The following SPAG17 variants were observed in gnomAD, a reference collection of about 807,000 sequenced individuals.
SPAG17 encodes the protein sperm associated antigen 17, also known as sperm-associated antigen 17.
SPAG17 carries 169 observed loss-of-function variants against 273.6 expected under a neutral mutation model. That is an observed-to-expected ratio of 0.62 (90% CI 0.55 to 0.70). The LOEUF (loss-of-function observed/expected upper bound fraction) is 0.70. Ranked by LOEUF, SPAG17 falls within the 30% of genes least tolerant of loss-of-function variation. The pLI is 0.00. For missense variants in SPAG17, 2,557 were observed against 2,627.8 expected (o/e 0.97, Z 0.59); for synonymous variants, 825 against 873.2 (o/e 0.94, Z 0.97).
At chr1:118,040,972 C>T (rs1649686192) in intron 21 of SPAG17, 131 bp from the exon 22 acceptor site, 1 of 673,398 alleles carries the variant, frequency 1.5e-6, no homozygotes, top group Non-Finnish European at 2.7e-6. Context: ...TTTGCAGACT[C>T]AGAGGCCAGT....
intron 13 of SPAG17, among the ~76,000 whole-genome samples, chr1:118,084,148 C>T (rs745995911): frequency 6.6e-5 from 10 of 151,964 alleles, no homozygotes; most frequent in Non-Finnish European, 1.5e-4. Context: ...AGTTCACCCC[C>T]TACTCAGGAA....
chr1:118,095,941 G>A (rs528687946), intron 7 of SPAG17, among the ~76,000 whole-genome samples: 1 of 152,240 alleles, frequency 6.6e-6, no homozygotes, highest in Admixed American at 6.5e-5. Flanking sequence ...GTGGGGAGGG[G>A]CAAGGACAAA....
intron 30 of SPAG17, among the ~76,000 whole-genome samples, chr1:118,010,395 C>T (rs1378054226): frequency 6.6e-6 from 1 of 151,906 alleles, no homozygotes; most frequent in Non-Finnish European, 1.5e-5. Context: ...GAATAGAGAG[C>T]CCAGAAATAA....
At chr1:118,113,015 T>C (rs1397320081) in intron 4 of SPAG17, among the ~76,000 whole-genome samples, 1 of 152,154 alleles carries the variant, frequency 6.6e-6, no homozygotes, top group Admixed American at 6.5e-5. Context: ...CCTAGCTATA[T>C]TACTTATTTT....
chr1:118,102,846 G>C (rs1656154684), intron 4 of SPAG17, among the ~76,000 whole-genome samples: 1 of 152,204 alleles, frequency 6.6e-6, no homozygotes, highest in East Asian at 1.9e-4. Flanking sequence ...AACGCAGAAG[G>C]GGAGAGGAGC....
intron 48 of SPAG17, chr1:117,962,564 T>A (rs1571066400): frequency 1.4e-5 from 2 of 147,424 alleles, no homozygotes; most frequent in Admixed American, 1.4e-4. Flanking sequence ...AAAAAAAGGC[T>A]CTTGAATGAT....
At chr1:117,973,268 C>T (rs1035838438) in intron 44 of SPAG17, among the ~76,000 whole-genome samples, 157 bp downstream of exon 44, 12 of 151,956 alleles carry the variant, frequency 7.9e-5, no homozygotes, top group Admixed American at 5.9e-4. Flanking sequence ...ATGGTAGATA[C>T]GGTCAATAGC....
intron 3 of SPAG17, among the ~76,000 whole-genome samples, chr1:118,132,713 T>C (rs1317269070): frequency 1.3e-5 from 2 of 151,838 alleles, no homozygotes; most frequent in Non-Finnish European, 1.5e-5. Context: ...CCTCTGGGCA[T>C]GCAGGCAGTG....
intron 15 of SPAG17, among the ~76,000 whole-genome samples, chr1:118,077,088 T>C (rs1471945065): frequency 6.6e-6 from 1 of 152,198 alleles, no homozygotes; most frequent in Non-Finnish European, 1.5e-5. Context: ...GGCTTTTATA[T>C]GTATTTGATG....
chr1:117,987,591 C>T (rs901449253), intron 40 of SPAG17, among the ~76,000 whole-genome samples: 5 of 152,180 alleles, frequency 3.3e-5, no homozygotes, highest in African/African-American at 1.2e-4. Context: ...TCACCTAAAG[C>T]ACATTGAGGG....
Position 117,963,881 on chromosome 1 carries a change from TCTTTTCC to T in SPAG17, c.6583_6589del (p.Gly2195LysfsTer86). ...AGAAGTTCTCTGGACCATTGGATTT[TCTTTTCC>T]CTGGGGAAAGTCTTTTGGTCGTTTA... On this transcript the variant is annotated frameshift_variant, in exon 48 of 49. Coordinates refer to ENST00000336338, the MANE Select transcript of SPAG17 (RefSeq NM_206996.4). LOFTEE classifies it high-confidence loss of function. 1 of 1,614,042 alleles carries T rather than the reference TCTTTTCC, an allele frequency of 6.2e-7. No homozygotes were observed. Among genetic ancestry groups the T allele is most frequent in the African/African-American group, 1.3e-5 (1 of 75,066 alleles).
intron 39 of SPAG17, 75 bp from the exon 40 acceptor site, chr1:117,987,956 C>T: frequency 1.3e-6 from 2 of 1,534,746 alleles, no homozygotes; most frequent in Non-Finnish European, 1.8e-6. Context: ...AAAACCCTCA[C>T]CACTATATGA....
intron 3 of SPAG17, among the ~76,000 whole-genome samples, chr1:118,125,376 G>A (rs1194889329): frequency 2.6e-5 from 4 of 151,992 alleles, no homozygotes. Flanking sequence ...ATTTCTTTGT[G>A]TTAGGAACAA....
chr1:117,970,269 T>G (rs958174747), intron 45 of SPAG17, among the ~76,000 whole-genome samples, 153 bp from the exon 46 acceptor site: 2 of 152,228 alleles, frequency 1.3e-5, no homozygotes, highest in Non-Finnish European at 2.9e-5. Context: ...AATATTCAAT[T>G]GGGAGAAGAA....
chr1:117,990,945 C>G, intron 37 of SPAG17, 39 bp from the exon 38 acceptor site: 2 of 1,174,276 alleles, frequency 1.7e-6, no homozygotes, highest in South Asian at 1.6e-5. Context: ...GATTATATTA[C>G]TTACAAGACT....
At chr1:118,155,248 GGAAAGTATTCATGTAAATGCAGA>G (rs1407064046) in intron 1 of SPAG17, among the ~76,000 whole-genome samples, 1 of 152,176 alleles carries the variant, frequency 6.6e-6, no homozygotes, top group Non-Finnish European at 1.5e-5. Flanking sequence ...TCCTAAGGCA[GGAAAGTATTCATGTAAATGCAGA>G]GAAACTGGCT....
chr1:117,957,731 G>T (rs1407253683), intron 48 of SPAG17, among the ~76,000 whole-genome samples: 1 of 152,178 alleles, frequency 6.6e-6, no homozygotes, highest in African/African-American at 2.4e-5. Flanking sequence ...TATCATTAGT[G>T]TATTTTATGT....
chr1:118,171,569 G>A (rs1264897633), intron 1 of SPAG17, among the ~76,000 whole-genome samples: 2 of 152,040 alleles, frequency 1.3e-5, no homozygotes, highest in East Asian at 3.9e-4. Flanking sequence ...GAAAGTCAGA[G>A]GATAAAAGAT....
At chr1:118,028,722 T>C (rs1206317873) in intron 25 of SPAG17, among the ~76,000 whole-genome samples, 1 of 152,158 alleles carries the variant, frequency 6.6e-6, no homozygotes, top group African/African-American at 2.4e-5. Flanking sequence ...TCTGTTTGGA[T>C]ATGTAGGCAT....
Sources: allele counts gnomAD v4.1 joint callset (sites outside exome capture counted in the v4.1 genomes callset), GRCh38; gene constraint gnomAD v4.1.1; transcripts MANE v1.5; gene names NCBI Gene and HGNC (gene_info 2026-07-23, HGNC 2026-07-21).